BCHE: variants seen among roughly 807,000 people sequenced by gnomAD.
The protein encoded by BCHE is cholinesterase.
Under a neutral mutation model 51.3 loss-of-function variants are expected in BCHE, and 48 were observed. The observed-to-expected ratio is 0.94, with a 90% confidence interval of 0.74 to 1.19. BCHE has a LOEUF of 1.19. BCHE is among the 50% of genes most tolerant of loss of function. The pLI, the probability that BCHE is intolerant of heterozygous loss-of-function variation, is 0.00. For missense variants in BCHE, 847 were observed against 708.2 expected (o/e 1.20, Z -2.23); for synonymous variants, 251 against 238.0 (o/e 1.05, Z -0.50).
chr3:165,816,416 C>T (rs996168889), intron 2 of BCHE, among the ~76,000 whole-genome samples: 1 of 151,924 alleles, frequency 6.6e-6, no homozygotes, highest in Non-Finnish European at 1.5e-5. Flanking sequence ...CAAGGCCAAT[C>T]GAAAACACCT....
intron 2 of BCHE, among the ~76,000 whole-genome samples, chr3:165,826,647 T>C (rs1444200101): frequency 2.6e-5 from 4 of 152,154 alleles, no homozygotes; most frequent in African/African-American, 7.2e-5. Flanking sequence ...TCAATGAAGA[T>C]TATAAATAGT....
intron 3 of BCHE, among the ~76,000 whole-genome samples, chr3:165,784,714 A>G (rs557720311): frequency 2.0e-5 from 3 of 152,064 alleles, no homozygotes; most frequent in South Asian, 4.1e-4. Flanking sequence ...ATCATCGCAT[A>G]AATTGCAATA....
intron 2 of BCHE, among the ~76,000 whole-genome samples, chr3:165,794,991 G>A (rs1030946882): frequency 6.6e-6 from 1 of 151,814 alleles, no homozygotes; most frequent in Non-Finnish European, 1.5e-5. Flanking sequence ...CATAAACCTA[G>A]GAAAATATAC....
At chr3:165,807,936 C>T (rs554724408) in intron 2 of BCHE, among the ~76,000 whole-genome samples, 4 of 152,010 alleles carry the variant, frequency 2.6e-5, no homozygotes, top group Admixed American at 6.6e-5. Context: ...TTTGAATTTC[C>T]TTTAATGGAA....
chr3:165,788,305 T>C (rs1397079910), intron 2 of BCHE, among the ~76,000 whole-genome samples: 3 of 152,064 alleles, frequency 2.0e-5, no homozygotes, highest in Admixed American at 6.6e-5. Flanking sequence ...TCAGGAGCTT[T>C]AGAGACAAAC....
intron 2 of BCHE, among the ~76,000 whole-genome samples, chr3:165,820,008 CAT>C (rs1432997886): frequency 2.0e-5 from 3 of 151,844 alleles, no homozygotes; most frequent in South Asian, 2.1e-4. Flanking sequence ...AACTAAAAAA[CAT>C]GTGCAGAAAC....
chr3:165,793,439 A>C (rs558399705), intron 2 of BCHE, among the ~76,000 whole-genome samples: 1 of 151,992 alleles, frequency 6.6e-6, no homozygotes, highest in Non-Finnish European at 1.5e-5. Flanking sequence ...CTTTTTTCTC[A>C]TGAGAGGGTA....
chr3:165,776,335 A>G (rs1363662442), intron 3 of BCHE, among the ~76,000 whole-genome samples: 2 of 152,004 alleles, frequency 1.3e-5, no homozygotes, highest in Admixed American at 1.3e-4. Context: ...GGATCAATAT[A>G]TATTTTGTAT....
chr3:165,784,598 A>T (rs1015168476), intron 3 of BCHE, among the ~76,000 whole-genome samples: 1 of 151,900 alleles, frequency 6.6e-6, no homozygotes, highest in Non-Finnish European at 1.5e-5. Flanking sequence ...AGCTGGCAAA[A>T]ACTTTGGAGT....
chr3:165,836,074 A>G (rs2108239984), intron 1 of BCHE, among the ~76,000 whole-genome samples: 1 of 152,076 alleles, frequency 6.6e-6, no homozygotes, highest in Admixed American at 6.6e-5. Flanking sequence ...GTTTTATAAA[A>G]ATGAAATATG....
At chr3:165,798,604 T>C (rs1713515610) in intron 2 of BCHE, among the ~76,000 whole-genome samples, 1 of 152,112 alleles carries the variant, frequency 6.6e-6, no homozygotes, top group Admixed American at 6.6e-5. Context: ...GCCTACAATG[T>C]CAAAAACATA....
chr3:165,789,399 T>C (rs1713084945), intron 2 of BCHE, among the ~76,000 whole-genome samples: 1 of 152,076 alleles, frequency 6.6e-6, no homozygotes, highest in African/African-American at 2.4e-5. Flanking sequence ...ATGAACAGAT[T>C]AAAGAAAAAG....
At chr3:165,811,823 C>T (rs1306321867) in intron 2 of BCHE, among the ~76,000 whole-genome samples, 1 of 151,822 alleles carries the variant, frequency 6.6e-6, no homozygotes, top group African/African-American at 2.4e-5. Flanking sequence ...ATAATCAAAA[C>T]AGTAAATTTA....
intron 3 of BCHE, among the ~76,000 whole-genome samples, chr3:165,785,183 C>T (rs1184757058): frequency 6.6e-6 from 1 of 151,792 alleles, no homozygotes; most frequent in African/African-American, 2.4e-5. Context: ...CTTATCTAAA[C>T]AAGAAATGGA....
At chr3:165,801,123 T>TA (rs1713626095) in intron 2 of BCHE, among the ~76,000 whole-genome samples, 1 of 152,148 alleles carries the variant, frequency 6.6e-6, no homozygotes, top group Non-Finnish European at 1.5e-5. Flanking sequence ...ATGAACAGGC[T>TA]GGACTTTACA....
At chr3:165,795,674 T>C (rs1044814092) in intron 2 of BCHE, among the ~76,000 whole-genome samples, 1 of 152,102 alleles carries the variant, frequency 6.6e-6, no homozygotes, top group Admixed American at 6.5e-5. Flanking sequence ...CTTAGTTAAA[T>C]AATAAGGTTT....
In BCHE at chr3:165,773,223, G is replaced by C; in HGVS notation, c.*159C>G. The C allele has an allele frequency of 1.6e-6, 1 of 643,446 alleles. No individual in the cohort carries two copies. Among genetic ancestry groups the C allele is most frequent in the Non-Finnish European group, 2.6e-6 (1 of 390,868 alleles). The allele number at this position is 643,446 out of a possible 1,614,324, so 39.9% of individuals were successfully genotyped here. ...TAGCCATTTGGGTTTTGAAATGCTAGGTAAAATACTAAGTTAAAGATGTGA... is the reference window on the plus strand; with the variant it reads ...TAGCCATTTGGGTTTTGAAATGCTACGTAAAATACTAAGTTAAAGATGTGA... On this transcript the variant is annotated 3_prime_UTR_variant, in exon 4 of 4. Coordinates refer to ENST00000264381, the MANE Select transcript of BCHE (RefSeq NM_000055.4).
intron 2 of BCHE, among the ~76,000 whole-genome samples, chr3:165,793,053 T>C (rs1298194073): frequency 1.3e-5 from 2 of 152,196 alleles, no homozygotes. Context: ...TTGTCTAAAT[T>C]TGGTTTTGTT....
chr3:165,795,527 C>T (rs543983435), intron 2 of BCHE, among the ~76,000 whole-genome samples: 6 of 152,074 alleles, frequency 3.9e-5, no homozygotes, highest in African/African-American at 1.4e-4. Context: ...ATATTTAATG[C>T]AAATATCTCA....
Sources: gnomAD v4.1 joint callset for allele counts (sites outside exome capture counted in the v4.1 genomes callset) on GRCh38, gnomAD v4.1.1 for gene constraint, MANE v1.5 for transcripts, NCBI Gene and HGNC (gene_info 2026-07-23, HGNC 2026-07-21) for gene names.